SCGB2B2: variants seen among roughly 807,000 people sequenced by gnomAD.
SCGB2B2 encodes the protein secretoglobin family 2B member 2, also known as secretoglobin-like protein.
In SCGB2B2, 11 loss-of-function variants were observed where a neutral mutation model predicts 7.6. That is an observed-to-expected ratio of 1.45 (90% CI 0.91 to 2.40). The LOEUF is 2.40. Ranked by LOEUF, SCGB2B2 falls within the 30% of genes most tolerant of loss-of-function variation. The pLI is 0.00. For synonymous variants in SCGB2B2, 50 were observed against 48.6 expected (o/e 1.03, Z -0.12); for missense variants, 104 against 115.4 (o/e 0.90, Z 0.45).
chr19:34,602,857 C>T (rs534982937), intron 1 of SCGB2B2, among the ~76,000 whole-genome samples: 10 of 152,286 alleles, frequency 6.6e-5, no homozygotes, highest in African/African-American at 2.4e-4. Context: ...TCATTAAACT[C>T]TCCTCAGGTG....
At chr19:34,593,983 G>T (rs181044255) in intron 3 of SCGB2B2, among the ~76,000 whole-genome samples, 192 bp downstream of exon 3, 322 of 152,186 alleles carry the variant, frequency 2.1e-3, no homozygotes, top group Non-Finnish European at 3.9e-3. Flanking sequence ...GCAGCGTCTG[G>T]GTCGAGGACT....
intron 1 of SCGB2B2, among the ~76,000 whole-genome samples, chr19:34,606,844 C>T (rs8104315): frequency 0.32 from 47,716 of 151,382 alleles, 8,308 homozygotes; most frequent in Middle Eastern, 0.47. Flanking sequence ...GTATATTGTA[C>T]ACAAGGTTCA....
chr19:34,649,502 G>C (rs565434987), intron 1 of SCGB2B2, among the ~76,000 whole-genome samples: 7 of 151,932 alleles, frequency 4.6e-5, no homozygotes, highest in Non-Finnish European at 7.4e-5. Context: ...TTTTTTGTGT[G>C]AATTTACTTA....
chr19:34,623,617 A>C (rs1370321890), intron 1 of SCGB2B2, among the ~76,000 whole-genome samples: 1 of 152,002 alleles, frequency 6.6e-6, no homozygotes, highest in East Asian at 1.9e-4. Flanking sequence ...TCCCAGACCT[A>C]CTCGACCTAA....
At chr19:34,659,179 T>C (rs2067376666) in intron 1 of SCGB2B2, among the ~76,000 whole-genome samples, 1 of 152,132 alleles carries the variant, frequency 6.6e-6, no homozygotes, top group Admixed American at 6.5e-5. Flanking sequence ...CCACAGCCAG[T>C]ATCATACTGA....
Position 34,594,569 on chromosome 19 carries a change from C to CG in SCGB2B2, c.-7dup. On this transcript the variant is annotated 5_prime_UTR_variant, in exon 2 of 4. Coordinates refer to ENST00000601241, the MANE Select transcript of SCGB2B2 (RefSeq NM_001025591.4). ...GTGGCGGATGTCACCCTCATGACAG[C>CG]GGAGTCTGGTCCCAGCAGGCACAGG... The CG allele has an allele frequency of 6.2e-7, 1 of 1,612,172 alleles. No individual in the cohort carries two copies. Among genetic ancestry groups the CG allele is most frequent in the Non-Finnish European group, 8.5e-7 (1 of 1,179,820 alleles).
chr19:34,615,350 CCT>C lies in SCGB2B2; in HGVS notation c.-2031-18758_-2031-18757del, dbSNP rs143628203. On this transcript the variant is annotated intron_variant, in intron 1 of 3. Coordinates refer to ENST00000601241, the MANE Select transcript of SCGB2B2 (RefSeq NM_001025591.4). Reference sequence around the variant, plus strand: ...ATATGTTGATGGGGGTTATTGGGATCCTCTGGTTTACCTTCTCACTGAATTAG... The same window carrying C: ...ATATGTTGATGGGGGTTATTGGGATCCTGGTTTACCTTCTCACTGAATTAG... Among the ~76,000 whole-genome samples, 942 of 152,044 alleles carry C rather than the reference CCT, an allele frequency of 6.2e-3. 8 individuals carry two copies. Among genetic ancestry groups the C allele is most frequent in the Middle Eastern group, 0.021 (6 of 292 alleles).
intron 1 of SCGB2B2, among the ~76,000 whole-genome samples, chr19:34,652,961 C>T (rs920426603): frequency 2.0e-5 from 3 of 151,178 alleles, no homozygotes; most frequent in Non-Finnish European, 2.9e-5. Flanking sequence ...ACTTAAGTGT[C>T]CATGAACACG....
intron 1 of SCGB2B2, among the ~76,000 whole-genome samples, chr19:34,642,209 T>C (rs889448003): frequency 2.0e-5 from 3 of 152,182 alleles, no homozygotes; most frequent in Non-Finnish European, 4.4e-5. Flanking sequence ...TTCTTTTCTA[T>C]AAAGGCAAAG....
intron 1 of SCGB2B2, among the ~76,000 whole-genome samples, chr19:34,655,295 A>G (rs1016843459): frequency 7.9e-6 from 1 of 127,028 alleles, no homozygotes; most frequent in African/African-American, 2.8e-5. Flanking sequence ...CTTAAGTCTG[A>G]TAAGAAACAT....
chr19:34,653,323 A>G (rs1476059969), intron 1 of SCGB2B2, among the ~76,000 whole-genome samples: 1 of 151,064 alleles, frequency 6.6e-6, no homozygotes, highest in Non-Finnish European at 1.5e-5. Context: ...TATACAATTT[A>G]TTGTATATTT....
chr19:34,662,959 C>CA (rs200722278), intron 1 of SCGB2B2, among the ~76,000 whole-genome samples: 3,532 of 147,708 alleles, frequency 0.024, 124 homozygotes, highest in African/African-American at 0.087. Context: ...AACAAACAAA[C>CA]AAAAAAAAAC....
chr19:34,643,458 A>C lies in SCGB2B2; in HGVS notation c.-2032+32172T>G, dbSNP rs1230286665. ...GAGATGAAGAGAGGGAGGTTAACGC[A>C]TGAAAGCCTACAGTTAGATAAAAGG... On this transcript the variant is annotated intron_variant, in intron 1 of 3. Transcript: ENST00000601241. 3.9e-5 allele frequency among the ~76,000 whole-genome samples: 6 copies of C among 152,194 alleles called. 1 individual carries two copies. Among genetic ancestry groups the C allele is most frequent in the Admixed American group, 3.9e-4 (6 of 15,278 alleles).
At chr19:34,645,715 C>A in intron 1 of SCGB2B2, 1 of 412,084 alleles carries the variant, frequency 2.4e-6, no homozygotes, top group South Asian at 2.1e-5. Context: ...TCTGCAGCGT[C>A]CAGCTGGGTG....
chr19:34,601,226 T>C (rs1243931989), intron 1 of SCGB2B2, among the ~76,000 whole-genome samples: 1 of 152,254 alleles, frequency 6.6e-6, no homozygotes. Context: ...CTGAGTTCTC[T>C]ATTTTGTCTC....
intron 1 of SCGB2B2, among the ~76,000 whole-genome samples, chr19:34,659,463 C>T (rs2067387552): frequency 6.6e-6 from 1 of 152,102 alleles, no homozygotes; most frequent in African/African-American, 2.4e-5. Flanking sequence ...AATCAGTGTG[C>T]AAAAATCACA....
intron 1 of SCGB2B2, among the ~76,000 whole-genome samples, chr19:34,617,264 A>G (rs1258540820): frequency 1.3e-5 from 2 of 150,532 alleles, no homozygotes; most frequent in Admixed American, 1.3e-4. Context: ...GAATCTGTAA[A>G]TTACCTTGGG....
intron 1 of SCGB2B2, among the ~76,000 whole-genome samples, chr19:34,658,813 C>CAAAAAAAAAAAAAAAAA (rs138363297): frequency 9.8e-6 from 1 of 102,008 alleles, no homozygotes; most frequent in African/African-American, 5.2e-5. Flanking sequence ...ACAACAACAA[C>CAAAAAAAAAAAAAAAAA]AAAAAAAAAA....
intron 1 of SCGB2B2, among the ~76,000 whole-genome samples, chr19:34,660,119 A>G (rs1366517954): frequency 1.3e-5 from 2 of 152,238 alleles, no homozygotes; most frequent in Non-Finnish European, 2.9e-5. Context: ...CTTACACCTT[A>G]TACAAAAATT....
Sources: gnomAD v4.1 joint callset for allele counts (sites outside exome capture counted in the v4.1 genomes callset) on GRCh38, gnomAD v4.1.1 for gene constraint, MANE v1.5 for transcripts, NCBI Gene and HGNC (gene_info 2026-07-23, HGNC 2026-07-21) for gene names.